The following CEP192 variants were observed in gnomAD, a reference collection of about 807,000 sequenced individuals.
CEP192 encodes the protein centrosomal protein of 192 kDa.
A neutral mutation model predicts 271.8 loss-of-function variants in CEP192; 151 were observed. The observed-to-expected ratio is 0.56, with a 90% CI of 0.49 to 0.64. The LOEUF is 0.64. Among genes scored for constraint, CEP192 ranks in the 30% least tolerant of loss-of-function variants. The pLI, the probability that CEP192 is intolerant of heterozygous loss-of-function variation, is 0.00. For synonymous variants in CEP192, 995 were observed against 1,076.5 expected (o/e 0.92, Z 1.48); for missense variants, 2,910 against 3,020.5 (o/e 0.96, Z 0.86).
intron 35 of CEP192, among the ~76,000 whole-genome samples, chr18:13,095,962 T>A (rs1261754013): frequency 6.6e-6 from 1 of 152,164 alleles, no homozygotes; most frequent in Non-Finnish European, 1.5e-5. Context: ...GTGAATCTGC[T>A]ACGTGGGTGT....
intron 33 of CEP192, among the ~76,000 whole-genome samples, 163 bp downstream of exon 33, chr18:13,089,728 T>A (rs2039055877): frequency 6.6e-6 from 1 of 152,216 alleles, no homozygotes; most frequent in Non-Finnish European, 1.5e-5. Context: ...ATTACATCAT[T>A]GAATGTCAGT....
chr18:13,106,216 A>G lies in CEP192; in HGVS notation c.7047+1137A>G, dbSNP rs541864003. On this transcript the variant is annotated intron_variant, in intron 40 of 44. Transcript: ENST00000506447. Reference sequence around the variant, plus strand: ...ACACCTCAACCAAATATATACAACTATGATCCCCCATTACTACTACCACTC... The same window carrying G: ...ACACCTCAACCAAATATATACAACTGTGATCCCCCATTACTACTACCACTC... Among the ~76,000 whole-genome samples the G allele has an allele frequency of 5.3e-5, 8 of 152,174 alleles. No individual in the cohort carries two copies. In the South Asian group the frequency reaches 1.5e-3, roughly 28 times the overall value.
chr18:13,051,365 TTGTG>T (rs34111719), intron 17 of CEP192, among the ~76,000 whole-genome samples: 2 of 150,912 alleles, frequency 1.3e-5, no homozygotes, highest in African/African-American at 2.4e-5. Context: ...GTGTATGTGT[TTGTG>T]TGTGTGTGTG....
chr18:13,017,126 A>G, intron 6 of CEP192, 62 bp from the exon 7 acceptor site: 1 of 1,345,576 alleles, frequency 7.4e-7, no homozygotes, highest in Non-Finnish European at 1.0e-6. Flanking sequence ...CTTTTTAATT[A>G]CAAATTATTG....
At chr18:12,998,376 T>C (rs1411425128) in intron 1 of CEP192, among the ~76,000 whole-genome samples, 1 of 152,234 alleles carries the variant, frequency 6.6e-6, no homozygotes, top group African/African-American at 2.4e-5. Flanking sequence ...ACTGCCAGCA[T>C]AGACCTAGCA....
At chr18:13,015,272 T>G in intron 5 of CEP192, 56 bp from the exon 6 acceptor site, 1 of 1,514,332 alleles carries the variant, frequency 6.6e-7, no homozygotes, top group Non-Finnish European at 8.9e-7. Context: ...AGCCTTGTAC[T>G]ATGCTCTTCA....
intron 35 of CEP192, 132 bp from the exon 36 acceptor site, chr18:13,096,052 C>A: frequency 1.1e-6 from 1 of 907,302 alleles, no homozygotes; most frequent in Non-Finnish European, 1.7e-6. Context: ...TTGGAAATTT[C>A]TGTAATTGAG....
At chr18:13,122,143 G>A (rs1055472552) in intron 44 of CEP192, among the ~76,000 whole-genome samples, 1 of 152,166 alleles carries the variant, frequency 6.6e-6, no homozygotes, top group Non-Finnish European at 1.5e-5. Flanking sequence ...CAAAAAGCAG[G>A]CCAGGCGCGG....
rs976577287 is a variant in CEP192 at position 13,114,050 on chromosome 18, A to T, written c.7168-80A>T. On this transcript the variant is annotated intron_variant, in intron 41 of 44. Coordinates refer to ENST00000506447, the MANE Select transcript of CEP192 (RefSeq NM_032142.4). The stretch of plus-strand genomic sequence containing the variant: ...CTTTTAAAAATTTTTAAAGGAAATG[A>T]TAGAATTCAAATAAGTAAATGTCCA... 2.0e-6 allele frequency: 3 copies of T among 1,477,402 alleles called. No individual in the cohort carries two copies. In the South Asian group the frequency reaches 3.9e-5, roughly 19 times the overall value. 91.5% of individuals were successfully genotyped at this position (1,477,402 alleles called of 1,614,324 possible).
chr18:13,034,519 C>T (rs1298423091), intron 11 of CEP192, among the ~76,000 whole-genome samples: 2 of 152,026 alleles, frequency 1.3e-5, no homozygotes, highest in African/African-American at 4.8e-5. Context: ...TTAAGAGAGC[C>T]TGCCTCGGCC....
intron 10 of CEP192, 91 bp from the exon 11 acceptor site, chr18:13,030,374 G>A: frequency 9.2e-7 from 1 of 1,091,950 alleles, no homozygotes; most frequent in Non-Finnish European, 1.3e-6. Context: ...GATAACTAAG[G>A]TAGTCATCTG....
Position 13,024,419 on chromosome 18 carries a change from A to T in CEP192, c.1050+5213A>T, listed in dbSNP as rs2035172891. On this transcript the variant is annotated intron_variant, in intron 9 of 44. Coordinates refer to ENST00000506447, the MANE Select transcript of CEP192 (RefSeq NM_032142.4). ...TCATATACTTAGGTCTTGTTTTTTGATTCTCCTCTGAAAATCTCTTTCAGT... is the reference window on the plus strand; with the variant it reads ...TCATATACTTAGGTCTTGTTTTTTGTTTCTCCTCTGAAAATCTCTTTCAGT... 9.5e-6 allele frequency: 4 copies of T among 422,884 alleles called. No homozygotes were observed. In the Admixed American group the frequency reaches 1.1e-4, roughly 12 times the overall value. 26.2% of individuals were successfully genotyped at this position (422,884 alleles called of 1,614,324 possible).
At chr18:12,995,608 C>T (rs1210714722) in intron 1 of CEP192, among the ~76,000 whole-genome samples, 1 of 152,146 alleles carries the variant, frequency 6.6e-6, no homozygotes, top group African/African-American at 2.4e-5. Context: ...AAAGTTCCTG[C>T]CCTCATAGAG....
In CEP192 at chr18:13,049,670, C is replaced by G. The variant is rs757755080; in HGVS notation, c.2879C>G (p.Pro960Arg). 3.7e-6 allele frequency: 6 copies of G among 1,607,974 alleles called. No individual in the cohort carries two copies. Among genetic ancestry groups the G allele is most frequent in the Non-Finnish European group, 5.1e-6 (6 of 1,176,834 alleles). The change falls in exon 16 of 45, where the codon CCT (proline) becomes CGT (arginine). Residue 960 changes from proline (P) to arginine (R), a missense_variant. By Grantham distance (103) the Pro-to-Arg change is moderately radical (BLOSUM62 -2). Coordinates refer to ENST00000506447, the MANE Select transcript of CEP192 (RefSeq NM_032142.4). The stretch of plus-strand genomic sequence containing the variant: ...TTTGAAAACCATCGCATAGTCTCAC[C>G]TAAAAATAGTGGTAAGTGTCTGAGT... The part of the protein sequence containing the change: ...VTFENHRIVS[P>R]KNSDLKNTSP...
rs183277682 is a variant in CEP192 at position 13,080,756 on chromosome 18, A to G, written c.5617-6261A>G. Among the ~76,000 whole-genome samples, 275 of 152,296 alleles carry G rather than the reference A, an allele frequency of 1.8e-3. 2 individuals carry two copies. Among genetic ancestry groups the G allele is most frequent in the African/African-American group, 6.4e-3 (264 of 41,566 alleles). On this transcript the variant is annotated intron_variant, in intron 30 of 44. Coordinates refer to ENST00000506447, the MANE Select transcript of CEP192 (RefSeq NM_032142.4). ...TGCTTCCAGTTTTTGCCCATTCACT[A>G]TGATATTGGCTGTGGGTTTGTCATA... is the stretch of plus-strand genomic sequence containing the variant.
At chr18:12,998,795 T>G (rs1027244551) in intron 1 of CEP192, among the ~76,000 whole-genome samples, 8 of 152,226 alleles carry the variant, frequency 5.3e-5, no homozygotes, top group Non-Finnish European at 1.0e-4. Flanking sequence ...CTAGCTAACA[T>G]CTTCAGAGCA....
Position 13,017,327 on chromosome 18 carries a change from T to C in CEP192, c.780T>C (p.Gly260=), listed in dbSNP as rs748772837. Residue 260 remains glycine (G), a synonymous_variant, in exon 7 of 45, where the codon GGT becomes GGC. Coordinates refer to ENST00000506447, the MANE Select transcript of CEP192 (RefSeq NM_032142.4). ...PEKGFKLPTN[G]LRQANENGSL... The stretch of plus-strand genomic sequence containing the variant: ...AAGGTTTTAAGTTACCTACAAATGG[T>C]CTTAGACAGGTGTGTTCCAGTCTTT... 6.5e-7 allele frequency: 1 copy of C among 1,537,788 alleles called. No homozygotes were observed. Among genetic ancestry groups the C allele is most frequent in the Non-Finnish European group, 8.7e-7 (1 of 1,143,150 alleles).
intron 18 of CEP192, among the ~76,000 whole-genome samples, chr18:13,053,937 C>T (rs1326384574): frequency 6.6e-6 from 1 of 152,176 alleles, no homozygotes; most frequent in East Asian, 1.9e-4. Context: ...GGTGTTCCTT[C>T]TGCCTCGGCC....
rs548678186 is a variant in CEP192 at position 13,041,292 on chromosome 18, A to AT, written c.1936+339dup. Among the ~76,000 whole-genome samples, 209 of 152,290 alleles carry AT rather than the reference A, an allele frequency of 1.4e-3. 1 individual carries two copies. In the Middle Eastern group the frequency reaches 0.02, roughly 15 times the overall value. ...ATGACTTTTAAAGAGATGTTTTGAG[A>AT]TTTAGACTATGATAATCTATGATAA... On this transcript the variant is annotated intron_variant, in intron 14 of 44. Coordinates refer to ENST00000506447, the MANE Select transcript of CEP192 (RefSeq NM_032142.4).
Sources: gnomAD v4.1 joint callset for allele counts (sites outside exome capture counted in the v4.1 genomes callset) on GRCh38, gnomAD v4.1.1 for gene constraint, MANE v1.5 for transcripts, NCBI Gene and HGNC (gene_info 2026-07-23, HGNC 2026-07-21) for gene names.